MAML3: variants seen among roughly 807,000 people sequenced by gnomAD.
The protein encoded by MAML3 is mastermind-like protein 3.
A neutral mutation model predicts 101.9 loss-of-function variants in MAML3; 27 were observed. The observed-to-expected ratio is 0.27, with a 90% CI of 0.20 to 0.37. MAML3 has a LOEUF of 0.37. MAML3 is among the 10% of genes least tolerant of loss of function. MAML3 has a pLI of 1.00. For synonymous variants in MAML3, 501 were observed against 555.9 expected (o/e 0.90, Z 1.39); for missense variants, 1,316 against 1,444.9 (o/e 0.91, Z 1.45).
At chr4:139,878,354 A>G (rs1158696823) in intron 2 of MAML3, among the ~76,000 whole-genome samples, 1 of 152,140 alleles carries the variant, frequency 6.6e-6, no homozygotes, top group Non-Finnish European at 1.5e-5. Flanking sequence ...GGTAGCACTG[A>G]CTACTCGCTC....
At position 139,876,283 on chromosome 4, in the gene MAML3, T is replaced by G. The variant is rs370668992; in HGVS notation, c.2079+13074A>C. On this transcript the variant is annotated intron_variant, in intron 2 of 4. Transcript: ENST00000509479. Reference sequence around the variant, plus strand: ...TTTTGCAACATGGCCAATAGAAATTTAAAAATCACATAGTTTGCACTGGTG... The same window carrying G: ...TTTTGCAACATGGCCAATAGAAATTGAAAAATCACATAGTTTGCACTGGTG... Among the ~76,000 whole-genome samples the G allele has an allele frequency of 2.3e-4, 35 of 152,374 alleles. No individual in the cohort carries two copies. The East Asian group carries it at 5.2e-3, about 23-fold the overall frequency.
intron 2 of MAML3, among the ~76,000 whole-genome samples, chr4:139,878,012 T>G (rs1347899770): frequency 6.6e-6 from 1 of 152,234 alleles, no homozygotes; most frequent in Non-Finnish European, 1.5e-5. Flanking sequence ...TTCTCTTAAA[T>G]TTTAACTGCT....
intron 2 of MAML3, among the ~76,000 whole-genome samples, chr4:139,884,809 T>C (rs1732294267): frequency 6.6e-6 from 1 of 152,250 alleles, no homozygotes; most frequent in South Asian, 2.1e-4. Flanking sequence ...TAATCAACTG[T>C]AATCATATTT....
chr4:139,966,296 T>G (rs1196111777), intron 1 of MAML3, among the ~76,000 whole-genome samples: 5 of 152,182 alleles, frequency 3.3e-5, no homozygotes, highest in Admixed American at 6.5e-5. Context: ...TTCTTAAAAT[T>G]CATTTTAACC....
intron 1 of MAML3, among the ~76,000 whole-genome samples, chr4:139,929,417 C>T (rs974040352): frequency 3.9e-5 from 6 of 152,156 alleles, no homozygotes; most frequent in Non-Finnish European, 8.8e-5. Context: ...CTAGAAATTG[C>T]CCCCATTTTA....
At chr4:139,908,500 G>A (rs936281288) in intron 1 of MAML3, among the ~76,000 whole-genome samples, 1 of 152,150 alleles carries the variant, frequency 6.6e-6, no homozygotes, top group Non-Finnish European at 1.5e-5. Flanking sequence ...ATAGAAATGA[G>A]TCTCAAAAAC....
chr4:140,020,749 A>G (rs1039916290), intron 1 of MAML3, among the ~76,000 whole-genome samples: 1 of 152,182 alleles, frequency 6.6e-6, no homozygotes, highest in Non-Finnish European at 1.5e-5. Context: ...TGCTTGTTGG[A>G]CAGTGAAATT....
At chr4:140,007,244 C>T (rs930391923) in intron 1 of MAML3, among the ~76,000 whole-genome samples, 3 of 152,058 alleles carry the variant, frequency 2.0e-5, no homozygotes, top group Non-Finnish European at 4.4e-5. Context: ...CAAGAGGATA[C>T]GTGATAAAAA....
chr4:139,747,987 G>C (rs1729380760), intron 2 of MAML3, among the ~76,000 whole-genome samples: 1 of 150,762 alleles, frequency 6.6e-6, no homozygotes, highest in African/African-American at 2.4e-5. Flanking sequence ...CCGGGAGGTG[G>C]AGGTTGCAGT....
chr4:139,941,938 A>G (rs1220910156), intron 1 of MAML3, among the ~76,000 whole-genome samples: 1 of 152,152 alleles, frequency 6.6e-6, no homozygotes, highest in South Asian at 2.1e-4. Flanking sequence ...GTTCAAGACC[A>G]GCCTGGGCAA....
rs1239167421 is a variant in MAML3, at chr4:139,889,833, C to T, written c.1603G>A (p.Glu535Lys). ...SSPYGAAFTAEKPNSPMMYPQ... is the reference protein window; with the variant it reads ...SSPYGAAFTAKKPNSPMMYPQ... ...TACATCATTGGGCTATTTGGTTTTT[C>T]TGCAGTAAAAGCTGCTCCATATGGA... is the stretch of plus-strand genomic sequence containing the variant. Residue 535 changes from glutamate (E) to lysine (K), a missense_variant, in exon 2 of 5, where the codon GAA (glutamate) becomes AAA (lysine). Transcript: ENST00000509479. 6.2e-7 allele frequency: 1 copy of T among 1,613,702 alleles called. No homozygotes were observed. The highest frequency in any genetic ancestry group is 8.5e-7 in the Non-Finnish European group (1 of 1,179,890).
intron 2 of MAML3, among the ~76,000 whole-genome samples, chr4:139,843,832 A>C (rs1177807401): frequency 1.3e-5 from 2 of 152,126 alleles, no homozygotes; most frequent in Non-Finnish European, 2.9e-5. Flanking sequence ...CTGAGACCTC[A>C]CTGTTTGGGT....
intron 2 of MAML3, chr4:139,730,882 T>C (rs930893999): frequency 1.5e-5 from 9 of 590,230 alleles, no homozygotes; most frequent in Middle Eastern, 4.5e-4. Flanking sequence ...TAAGAGAGCA[T>C]GGCTCTGGGA....
chr4:139,722,909 A>G (rs1560768771), intron 4 of MAML3, among the ~76,000 whole-genome samples: 1 of 152,244 alleles, frequency 6.6e-6, no homozygotes, highest in African/African-American at 2.4e-5. Flanking sequence ...AACAAATTAT[A>G]TATCTCAAAC....
intron 1 of MAML3, among the ~76,000 whole-genome samples, chr4:139,951,430 C>A (rs1254192272): frequency 6.6e-6 from 1 of 152,244 alleles, no homozygotes; most frequent in Non-Finnish European, 1.5e-5. Flanking sequence ...GGAGGCCCAC[C>A]AGTGAGGTCA....
intron 1 of MAML3, among the ~76,000 whole-genome samples, chr4:139,934,870 C>T (rs1733474683): frequency 1.3e-5 from 2 of 152,090 alleles, no homozygotes; most frequent in South Asian, 4.1e-4. Context: ...AGAAAATAAA[C>T]CCTAAGGCAT....
At chr4:140,089,414 C>T (rs1216710896) in intron 1 of MAML3, among the ~76,000 whole-genome samples, 1 of 152,174 alleles carries the variant, frequency 6.6e-6, no homozygotes, top group African/African-American at 2.4e-5. Flanking sequence ...AGTTGGAATT[C>T]CAAGTTCATG....
At chr4:140,039,023 G>A (rs1727034584) in intron 1 of MAML3, among the ~76,000 whole-genome samples, 1 of 152,110 alleles carries the variant, frequency 6.6e-6, no homozygotes, top group Non-Finnish European at 1.5e-5. Flanking sequence ...GGAGGATGAG[G>A]CAGGAGAATC....
chr4:139,991,580 A>C (rs1409932649), intron 1 of MAML3, among the ~76,000 whole-genome samples: 1 of 152,218 alleles, frequency 6.6e-6, no homozygotes, highest in Non-Finnish European at 1.5e-5. Context: ...CATATTTCCA[A>C]CATAAATCTT....
Sources: allele counts gnomAD v4.1 joint callset (sites outside exome capture counted in the v4.1 genomes callset), GRCh38; gene constraint gnomAD v4.1.1; transcripts MANE v1.5; gene names NCBI Gene and HGNC (gene_info 2026-07-23, HGNC 2026-07-21).